CARMIL1: variants seen among roughly 807,000 people sequenced by gnomAD.
CARMIL1 encodes the protein capping protein regulator and myosin 1 linker 1.
CARMIL1 carries 90 observed loss-of-function variants against 177.1 expected under a neutral mutation model. The ratio of observed to expected loss-of-function variants is 0.51; its 90% confidence interval spans 0.43 to 0.61. CARMIL1 has a LOEUF of 0.61. Among genes scored for constraint, CARMIL1 ranks in the 20% least tolerant of loss-of-function variants. CARMIL1 has a pLI of 0.00. For synonymous variants in CARMIL1, 577 were observed against 606.2 expected (o/e 0.95, Z 0.71); for missense variants, 1,380 against 1,667.0 (o/e 0.83, Z 3.00).
rs199758546 is a variant in CARMIL1 at position 25,292,071 on chromosome 6, A to G, written c.138+7162A>G. ...TTATTCCAGTAGTTAAAATAGACAT[A>G]AGACAAATTCATATAAAATGTTTGT... On this transcript the variant is annotated intron_variant, in intron 2 of 36. Coordinates refer to ENST00000329474, the MANE Select transcript of CARMIL1 (RefSeq NM_017640.6). Among the ~76,000 whole-genome samples the G allele has an allele frequency of 7.6e-4, 115 of 152,308 alleles. No homozygotes were observed. The South Asian group carries it at 0.011, about 14-fold the overall frequency.
chr6:25,580,651 A>ACTTGGATTTAAATTC, intron 29 of CARMIL1, among the ~76,000 whole-genome samples: 1 of 152,316 alleles, frequency 6.6e-6, no homozygotes, highest in East Asian at 1.9e-4. Context: ...ACATCCTCTT[A>ACTTGGATTTAAATTC]CACAGCTTGG....
At chr6:25,296,717 T>G (rs1782390923) in intron 2 of CARMIL1, among the ~76,000 whole-genome samples, 1 of 152,164 alleles carries the variant, frequency 6.6e-6, no homozygotes, top group African/African-American at 2.4e-5. Context: ...ATTTCTTGGT[T>G]TCCTGAATCC....
chr6:25,546,561 A>G (rs1809491357), intron 26 of CARMIL1, among the ~76,000 whole-genome samples: 1 of 151,210 alleles, frequency 6.6e-6, no homozygotes, highest in African/African-American at 2.4e-5. Context: ...TTAGCTGGAC[A>G]TGGTGGCCCA....
At chr6:25,385,900 G>A (rs138014382) in intron 2 of CARMIL1, among the ~76,000 whole-genome samples, 2 of 152,340 alleles carry the variant, frequency 1.3e-5, no homozygotes, top group African/African-American at 4.8e-5. Context: ...AGAAACTTCA[G>A]TCTGACTTGC....
At chr6:25,595,343 G>A (rs1814730794) in intron 32 of CARMIL1, among the ~76,000 whole-genome samples, 1 of 152,168 alleles carries the variant, frequency 6.6e-6, no homozygotes, top group South Asian at 2.1e-4. Context: ...GCACAGGTAG[G>A]GAAGCAACTA....
chr6:25,439,425 G>A (rs1797530126), intron 5 of CARMIL1, among the ~76,000 whole-genome samples: 1 of 152,172 alleles, frequency 6.6e-6, no homozygotes, highest in Admixed American at 6.5e-5. Context: ...GGAGAAAGAT[G>A]TGTAGAGGAG....
At chr6:25,454,935 G>C (rs1799353214) in intron 8 of CARMIL1, among the ~76,000 whole-genome samples, 1 of 152,198 alleles carries the variant, frequency 6.6e-6, no homozygotes, top group Non-Finnish European at 1.5e-5. Context: ...ATTGAGGTGT[G>C]AGTTATGGAG....
chr6:25,373,633 A>G (rs960412863), intron 2 of CARMIL1, among the ~76,000 whole-genome samples: 15 of 151,018 alleles, frequency 9.9e-5, no homozygotes, highest in Admixed American at 9.2e-4. Flanking sequence ...ACCAGGCTGA[A>G]GTGCAGTGGT....
chr6:25,294,156 G>A (rs889523815), intron 2 of CARMIL1, among the ~76,000 whole-genome samples: 4 of 152,202 alleles, frequency 2.6e-5, no homozygotes, highest in African/African-American at 9.6e-5. Context: ...CATGTCCTGA[G>A]CTGTACTTAC....
At chr6:25,581,574 A>T (rs1813126192) in intron 31 of CARMIL1, 135 bp downstream of exon 31, 3 of 745,926 alleles carry the variant, frequency 4.0e-6, no homozygotes, top group Non-Finnish European at 6.4e-6. Flanking sequence ...TTTGCATGAG[A>T]TATACAAAGT....
intron 2 of CARMIL1, among the ~76,000 whole-genome samples, chr6:25,292,956 G>C (rs977209497): frequency 1.3e-5 from 2 of 152,010 alleles, no homozygotes; most frequent in Admixed American, 6.6e-5. Flanking sequence ...AAAGACTTTA[G>C]TAAAAGGTTA....
At chr6:25,587,905 G>A (rs573170515) in intron 31 of CARMIL1, among the ~76,000 whole-genome samples, 101 of 152,258 alleles carry the variant, frequency 6.6e-4, no homozygotes, top group African/African-American at 2.4e-3. Context: ...GGGGGAAAAC[G>A]TGTAGTGTAC....
intron 28 of CARMIL1, among the ~76,000 whole-genome samples, chr6:25,556,365 A>G (rs914411952): frequency 4.6e-5 from 7 of 152,306 alleles, no homozygotes; most frequent in Admixed American, 4.6e-4. Flanking sequence ...AAAAATAATG[A>G]AAGTTGGAAT....
At chr6:25,619,002 C>T (rs1471492541) in intron 36 of CARMIL1, among the ~76,000 whole-genome samples, 1 of 152,200 alleles carries the variant, frequency 6.6e-6, no homozygotes. Flanking sequence ...CAGAAGGCAT[C>T]GAATGGGACA....
rs764296004 is a variant in CARMIL1 at position 25,435,488 on chromosome 6, T to A, written c.255T>A (p.Ile85=). The A allele has an allele frequency of 3.9e-6, 6 of 1,551,074 alleles. No homozygotes were observed. The highest frequency in any genetic ancestry group is 5.2e-6 in the Non-Finnish European group (6 of 1,146,580). Residue 85 remains isoleucine (I), a synonymous_variant, in exon 5 of 37, where the codon ATT becomes ATA. Transcript: ENST00000329474. ...GVVCSKSAQM[I]VETEKCSISM... is the part of the protein sequence containing the mutation. Reference sequence around the variant, plus strand: ...TGTCCCACCGGTTCTTGCAGATGATTGTGGAAACTGAGAAGTGCAGCATTT... The same window carrying A: ...TGTCCCACCGGTTCTTGCAGATGATAGTGGAAACTGAGAAGTGCAGCATTT...
chr6:25,281,589 G>C (rs1391607918), intron 1 of CARMIL1, among the ~76,000 whole-genome samples: 1 of 152,060 alleles, frequency 6.6e-6, no homozygotes, highest in East Asian at 1.9e-4. Flanking sequence ...TGGAATTTTT[G>C]TTTTTATTAA....
At position 25,543,133 on chromosome 6, in the gene CARMIL1, C is replaced by A. The variant is rs939112987; in HGVS notation, c.2328+3055C>A. On this transcript the variant is annotated intron_variant, in intron 26 of 36. Transcript: ENST00000329474. ...TTTGTGTCCTGGGCTTCCTGCTAAG[C>A]AAGTTGCTTAACTTTTTTGGACCAC... Among the ~76,000 whole-genome samples the A allele has an allele frequency of 1.2e-4, 19 of 152,138 alleles. 1 individual carries two copies. The highest frequency in any genetic ancestry group is 1.3e-4 in the Non-Finnish European group (9 of 68,002).
intron 36 of CARMIL1, among the ~76,000 whole-genome samples, chr6:25,613,635 C>CT: frequency 6.6e-6 from 1 of 152,112 alleles, no homozygotes; most frequent in East Asian, 1.9e-4. Flanking sequence ...AAAAAAATGT[C>CT]TTTTTTGTGC....
chr6:25,482,390 C>A, intron 12 of CARMIL1, 47 bp downstream of exon 12: 1 of 825,046 alleles, frequency 1.2e-6, no homozygotes, highest in Non-Finnish European at 1.9e-6. Context: ...AATATTTCTG[C>A]TGCACCTGCT....
Sources: allele counts gnomAD v4.1 joint callset (sites outside exome capture counted in the v4.1 genomes callset), GRCh38; gene constraint gnomAD v4.1.1; transcripts MANE v1.5; gene names NCBI Gene and HGNC (gene_info 2026-07-23, HGNC 2026-07-21).